The following SPIRE1 variants were observed in gnomAD, a reference collection of about 807,000 sequenced individuals.
SPIRE1 encodes the protein protein spire homolog 1.
SPIRE1 carries 40 observed loss-of-function variants against 94.1 expected under a neutral mutation model. The ratio of observed to expected loss-of-function variants is 0.43; its 90% CI spans 0.33 to 0.55. SPIRE1 has a LOEUF of 0.55. Among genes scored for constraint, SPIRE1 ranks in the 20% least tolerant of loss-of-function variants. The pLI, the probability that SPIRE1 is intolerant of heterozygous loss-of-function variation, is 0.06. For missense variants in SPIRE1, 838 were observed against 975.2 expected (o/e 0.86, Z 1.87); for synonymous variants, 376 against 371.7 (o/e 1.01, Z -0.13).
intron 10 of SPIRE1, among the ~76,000 whole-genome samples, chr18:12,472,678 C>CG (rs202244065): frequency 0.012 from 1,790 of 145,114 alleles, 28 homozygotes; most frequent in African/African-American, 0.039. Context: ...CTTTTTTTTG[C>CG]GGGGGGGGAC....
intron 1 of SPIRE1, chr18:12,653,201 G>C (rs183158082): frequency 2.6e-5 from 4 of 152,314 alleles, no homozygotes; most frequent in Admixed American, 2.6e-4. Flanking sequence ...ATGCTGCACA[G>C]AACAGCCACC....
rs555444244 is a variant in SPIRE1 at position 12,569,236 on chromosome 18, G to A, written c.373-22332C>T. On this transcript the variant is annotated intron_variant, in intron 2 of 16. Coordinates refer to ENST00000409402, the MANE Select transcript of SPIRE1 (RefSeq NM_001128626.2). ...CAGGCACCTGTATTCCCAGCTACTCGGGAGGCTGAGGCAGGAGAATGGCGT... is the reference window on the plus strand; with the variant it reads ...CAGGCACCTGTATTCCCAGCTACTCAGGAGGCTGAGGCAGGAGAATGGCGT... Among the ~76,000 whole-genome samples the A allele has an allele frequency of 5.9e-4, 89 of 151,948 alleles. 1 individual carries two copies. The highest frequency in any genetic ancestry group is 3.4e-3 in the Middle Eastern group (1 of 294).
At chr18:12,464,168 C>T (rs948076823) in intron 11 of SPIRE1, among the ~76,000 whole-genome samples, 3 of 152,054 alleles carry the variant, frequency 2.0e-5, no homozygotes, top group Admixed American at 2.0e-4. Context: ...CCATGAGAAA[C>T]CACTAAAGGA....
chr18:12,523,106 A>G (rs1265879405), intron 4 of SPIRE1, among the ~76,000 whole-genome samples: 2 of 152,228 alleles, frequency 1.3e-5, no homozygotes, highest in African/African-American at 4.8e-5. Flanking sequence ...TCATGAAAGG[A>G]GGTCAAAATG....
At chr18:12,510,095 A>AC (rs111984053) in intron 5 of SPIRE1, among the ~76,000 whole-genome samples, 7,081 of 151,782 alleles carry the variant, frequency 0.047, 250 homozygotes, top group Admixed American at 0.079. Context: ...AAAAAAAAAA[A>AC]AAAACTAAAA....
In SPIRE1 at chr18:12,605,008, C is replaced by G. The variant is rs190230726; in HGVS notation, c.372+30054G>C. 3.3e-5 allele frequency among the ~76,000 whole-genome samples: 5 copies of G among 151,942 alleles called. No individual in the cohort carries two copies. In the East Asian group the frequency reaches 9.6e-4, roughly 29 times the overall value. On this transcript the variant is annotated intron_variant, in intron 2 of 16. Transcript: ENST00000409402. ...ATAAGCAGTCACAAAAGGATAGATA[C>G]TGGTAATTCCACTTCTATGAGTAAC...
chr18:12,610,883 C>T (rs2037120892), intron 2 of SPIRE1, among the ~76,000 whole-genome samples: 1 of 152,150 alleles, frequency 6.6e-6, no homozygotes, highest in Non-Finnish European at 1.5e-5. Flanking sequence ...TCCCACCATC[C>T]CATCTCAGCA....
intron 1 of SPIRE1, among the ~76,000 whole-genome samples, chr18:12,655,948 G>C (rs1055535370): frequency 1.3e-5 from 2 of 152,078 alleles, no homozygotes; most frequent in African/African-American, 4.8e-5. Context: ...ACCCAGGCTG[G>C]AGTGCAGTGG....
chr18:12,449,141 C>G lies in SPIRE1; in HGVS notation c.*497G>C, dbSNP rs1437345969. The G allele has an allele frequency of 6.5e-6, 1 of 154,132 alleles. No homozygotes were observed. Among genetic ancestry groups the G allele is most frequent in the Non-Finnish European group, 1.4e-5 (1 of 69,174 alleles). 9.5% of individuals were successfully genotyped at this position (154,132 alleles called of 1,614,324 possible). A position where few individuals can be genotyped will look rare whatever the true frequency, so the allele number is the denominator to read the frequency against. On this transcript the variant is annotated 3_prime_UTR_variant, in exon 17 of 17. Coordinates refer to ENST00000409402, the MANE Select transcript of SPIRE1 (RefSeq NM_001128626.2). ...AGTTGAAGAGTGTCAGCAGGTGCTT[C>G]TAGGTTCTGTGCTGTGAGCCCCCAG...
At chr18:12,536,127 G>A (rs959431806) in intron 3 of SPIRE1, among the ~76,000 whole-genome samples, 3 of 152,156 alleles carry the variant, frequency 2.0e-5, no homozygotes, top group Admixed American at 2.0e-4. Flanking sequence ...CAACAGCACA[G>A]ATGAGCTTAC....
intron 16 of SPIRE1, 145 bp downstream of exon 16, chr18:12,452,110 A>C: frequency 1.1e-6 from 1 of 911,772 alleles, no homozygotes; most frequent in Middle Eastern, 3.4e-4. Flanking sequence ...GAAGTTTTGG[A>C]GATTTGTGTG....
intron 6 of SPIRE1, among the ~76,000 whole-genome samples, chr18:12,501,495 T>C (rs1302711900): frequency 6.6e-6 from 1 of 152,188 alleles, no homozygotes. Context: ...GCAATTCTCC[T>C]ACCTCAGCCT....
intron 2 of SPIRE1, among the ~76,000 whole-genome samples, chr18:12,576,581 C>CA (rs762895518): frequency 0.031 from 961 of 30,954 alleles, 89 homozygotes; most frequent in African/African-American, 0.052. Flanking sequence ...GACTCCATCT[C>CA]AAAAAAAAAA....
At chr18:12,476,554 AAAAAAAAAAAATATAT>A (rs1222142673) in intron 10 of SPIRE1, among the ~76,000 whole-genome samples, 3 of 94,032 alleles carry the variant, frequency 3.2e-5, no homozygotes, top group African/African-American at 1.6e-4. Context: ...AAAAAAAAAA[AAAAAAAAAAAATATAT>A]ATATATATAT....
At chr18:12,506,664 G>T in intron 5 of SPIRE1, 23 bp from the exon 6 acceptor site, 1 of 1,609,722 alleles carries the variant, frequency 6.2e-7, no homozygotes, top group South Asian at 1.1e-5. Context: ...AGGATAGAGA[G>T]ACATCAATGA....
Position 12,658,105 on chromosome 18 carries a change from T to C in SPIRE1, c.-239A>G, listed in dbSNP as rs1377369910. On this transcript the variant is annotated 5_prime_UTR_variant, in exon 1 of 17. Transcript: ENST00000409402. ...GCCGGCCGGTAGCGACGCGATGGCG[T>C]CCGGCGCCCCGCCCCGCCCCGCCCC... 3 of 924,412 alleles carry C rather than the reference T, an allele frequency of 3.2e-6. No homozygotes were observed. The highest frequency in any genetic ancestry group is 3.8e-6 in the Non-Finnish European group (3 of 779,550). The allele number at this position is 924,412 out of a possible 1,614,324, so 57.3% of individuals were successfully genotyped here.
At chr18:12,450,756 C>T in intron 16 of SPIRE1, 1 of 702,602 alleles carries the variant, frequency 1.4e-6, no homozygotes, top group Non-Finnish European at 2.6e-6. Flanking sequence ...CTGCTCTGTT[C>T]AGAATTCCAC....
At chr18:12,654,746 G>T (rs911673490) in intron 1 of SPIRE1, among the ~76,000 whole-genome samples, 1 of 149,468 alleles carries the variant, frequency 6.7e-6, no homozygotes, top group Non-Finnish European at 1.5e-5. Context: ...ACTGAAACGA[G>T]AAGTCAGGCG....
chr18:12,622,657 C>CAG (rs2037510093), intron 2 of SPIRE1, among the ~76,000 whole-genome samples: 1 of 151,226 alleles, frequency 6.6e-6, no homozygotes, highest in Non-Finnish European at 1.5e-5. Context: ...CTCCTGACCT[C>CAG]GTGATCCGCC....
Sources: gnomAD v4.1 joint callset for allele counts (sites outside exome capture counted in the v4.1 genomes callset) on GRCh38, gnomAD v4.1.1 for gene constraint, MANE v1.5 for transcripts, NCBI Gene and HGNC (gene_info 2026-07-23, HGNC 2026-07-21) for gene names.